The following PAPPA variants were observed in gnomAD, a reference collection of about 807,000 sequenced individuals.
The protein encoded by PAPPA is pappalysin 1, also known as pappalysin-1.
A neutral mutation model predicts 164.0 loss-of-function variants in PAPPA; 60 were observed. That is an observed-to-expected ratio of 0.37 (90% CI 0.30 to 0.45). The LOEUF is 0.45. Ranked by LOEUF, PAPPA falls within the 20% of genes least tolerant of loss-of-function variation. The pLI, the probability that PAPPA is intolerant of heterozygous loss-of-function variation, is 1.00. For synonymous variants in PAPPA, 875 were observed against 814.1 expected, an observed-to-expected ratio of 1.07 and a Z score of -1.27; for missense variants, 1,782 against 2,087.3, an observed-to-expected ratio of 0.85 and a Z score of 2.85.
chr9:116,274,903 G>C (rs1845179083), intron 9 of PAPPA, among the ~76,000 whole-genome samples: 1 of 152,104 alleles, frequency 6.6e-6, no homozygotes, highest in Non-Finnish European at 1.5e-5. Context: ...ATTAGACTTA[G>C]GGATACTGTA....
chr9:116,234,914 T>C (rs1844641288), intron 6 of PAPPA, among the ~76,000 whole-genome samples: 1 of 152,154 alleles, frequency 6.6e-6, no homozygotes, highest in Admixed American at 6.5e-5. Flanking sequence ...TGAAAGCAGT[T>C]TGACTGAATG....
At chr9:116,365,566 T>TTTTTTCC (rs1554755536) in intron 18 of PAPPA, among the ~76,000 whole-genome samples, 4 of 137,894 alleles carry the variant, frequency 2.9e-5, no homozygotes, top group Non-Finnish European at 4.7e-5. Context: ...TTTTTTTTTT[T>TTTTTTCC]CCTCTCTTGG....
chr9:116,273,144 A>G (rs1172863381), intron 9 of PAPPA, among the ~76,000 whole-genome samples: 5 of 152,216 alleles, frequency 3.3e-5, no homozygotes, highest in African/African-American at 1.2e-4. Flanking sequence ...CTGGAAAGAA[A>G]GTAGGATGGG....
rs111596141 is a variant in PAPPA at position 116,221,022 on chromosome 9, G to A, written c.2111+893G>A. ...AGGGAATGATAAACTGAGGCACAAG[G>A]TACCTCTATTCTGCTGCCCTGACTG... On this transcript the variant is annotated intron_variant, in intron 5 of 21. Coordinates refer to ENST00000328252, the MANE Select transcript of PAPPA (RefSeq NM_002581.5). Among the ~76,000 whole-genome samples the A allele has an allele frequency of 9.9e-5, 15 of 152,034 alleles. 1 individual carries two copies. The highest frequency in any genetic ancestry group is 3.1e-4 in the African/African-American group (13 of 41,460).
intron 17 of PAPPA, among the ~76,000 whole-genome samples, chr9:116,356,734 T>C (rs1408391136): frequency 6.6e-6 from 1 of 152,226 alleles, no homozygotes; most frequent in Non-Finnish European, 1.5e-5. Context: ...TTGGTACCAG[T>C]ACCATGCTGT....
chr9:116,218,290 G>A (rs1177686039), intron 4 of PAPPA, among the ~76,000 whole-genome samples: 1 of 152,128 alleles, frequency 6.6e-6, no homozygotes, highest in Non-Finnish European at 1.5e-5. Context: ...GATTCTCAAA[G>A]CCATGTATAT....
intron 8 of PAPPA, among the ~76,000 whole-genome samples, chr9:116,267,143 A>C (rs1845076901): frequency 6.6e-6 from 1 of 152,254 alleles, no homozygotes; most frequent in Non-Finnish European, 1.5e-5. Flanking sequence ...GGAGTAGTAC[A>C]TATATGAAAG....
At chr9:116,165,990 A>G (rs1843715313) in intron 1 of PAPPA, among the ~76,000 whole-genome samples, 1 of 152,194 alleles carries the variant, frequency 6.6e-6, no homozygotes, top group Non-Finnish European at 1.5e-5. Flanking sequence ...TATCTGACCT[A>G]TAAAGGGGCT....
At chr9:116,227,193 A>G (rs1026955349) in intron 5 of PAPPA, among the ~76,000 whole-genome samples, 4 of 152,236 alleles carry the variant, frequency 2.6e-5, no homozygotes, top group Non-Finnish European at 5.9e-5. Flanking sequence ...GCTAAAAGTC[A>G]GAGAAATGTA....
intron 7 of PAPPA, among the ~76,000 whole-genome samples, chr9:116,261,290 CAAT>C (rs1282423254): frequency 4.6e-5 from 7 of 152,034 alleles, no homozygotes; most frequent in Admixed American, 3.3e-4. Context: ...AAGAGATAGA[CAAT>C]GATAAACGAA....
intron 19 of PAPPA, among the ~76,000 whole-genome samples, chr9:116,368,761 G>A (rs73656816): frequency 0.014 from 2,197 of 152,252 alleles, 53 homozygotes; most frequent in African/African-American, 0.05. Context: ...CTACTGCCTG[G>A]GGTGCTGAGA....
At chr9:116,299,087 C>T (rs374642967) in intron 9 of PAPPA, among the ~76,000 whole-genome samples, 6 of 152,232 alleles carry the variant, frequency 3.9e-5, no homozygotes, top group East Asian at 1.9e-4. Flanking sequence ...TCCCCAGACA[C>T]GGGCTGGCAG....
intron 9 of PAPPA, among the ~76,000 whole-genome samples, chr9:116,272,356 C>T (rs779227865): frequency 9.2e-5 from 14 of 152,198 alleles, no homozygotes; most frequent in Non-Finnish European, 1.6e-4. Context: ...CAGTTACAAG[C>T]GGATGAAAAC....
intron 6 of PAPPA, among the ~76,000 whole-genome samples, chr9:116,228,023 T>C (rs931148607): frequency 4.6e-5 from 7 of 152,206 alleles, no homozygotes; most frequent in African/African-American, 1.7e-4. Flanking sequence ...TTCTTCTATA[T>C]ACCCTCTTTT....
chr9:116,164,021 A>G (rs1843695957), intron 1 of PAPPA, among the ~76,000 whole-genome samples: 1 of 152,198 alleles, frequency 6.6e-6, no homozygotes, highest in Non-Finnish European at 1.5e-5. Context: ...AGTGACTCCC[A>G]GTCATCACTT....
At chr9:116,334,820 T>C in intron 12 of PAPPA, 41 bp from the exon 13 acceptor site, 1 of 1,509,230 alleles carries the variant, frequency 6.6e-7, no homozygotes, top group South Asian at 1.1e-5. Context: ...TGGCCTTGAG[T>C]AATGAGCCTG....
At chr9:116,201,508 A>G (rs549184394) in intron 2 of PAPPA, among the ~76,000 whole-genome samples, 1 of 152,302 alleles carries the variant, frequency 6.6e-6, no homozygotes, top group East Asian at 1.9e-4. Flanking sequence ...TGGAGCGGGA[A>G]CCCAACAGGC....
intron 7 of PAPPA, among the ~76,000 whole-genome samples, chr9:116,246,590 G>A (rs1587970213): frequency 6.6e-6 from 1 of 152,270 alleles, no homozygotes; most frequent in East Asian, 1.9e-4. Flanking sequence ...AAACATGCAT[G>A]AATAAACTTG....
intron 20 of PAPPA, among the ~76,000 whole-genome samples, chr9:116,378,219 A>T (rs1157965152): frequency 6.6e-6 from 1 of 152,194 alleles, no homozygotes; most frequent in Non-Finnish European, 1.5e-5. Flanking sequence ...ATGACTTCAC[A>T]GTTGAGCCAT....
Sources: gnomAD v4.1 joint callset for allele counts (sites outside exome capture counted in the v4.1 genomes callset) on GRCh38, gnomAD v4.1.1 for gene constraint, MANE v1.5 for transcripts, NCBI Gene and HGNC (gene_info 2026-07-23, HGNC 2026-07-21) for gene names.